EPHA6: variants seen among roughly 807,000 people sequenced by gnomAD.
EPHA6 encodes the protein ephrin type-A receptor 6.
In EPHA6, 50 loss-of-function variants were observed where a neutral mutation model predicts 112.0. The observed-to-expected ratio is 0.45, with a 90% confidence interval of 0.36 to 0.56. The LOEUF is 0.56. Ranked by LOEUF, EPHA6 falls within the 20% of genes least tolerant of loss-of-function variation. The pLI, the probability that EPHA6 is intolerant of heterozygous loss-of-function variation, is 0.00. For synonymous variants in EPHA6, 529 were observed against 490.7 expected (o/e 1.08, Z -1.03); for missense variants, 1,280 against 1,417.4 (o/e 0.90, Z 1.56).
At chr3:97,460,971 G>A (rs1296879324) in intron 7 of EPHA6, among the ~76,000 whole-genome samples, 1 of 152,134 alleles carries the variant, frequency 6.6e-6, no homozygotes, top group Non-Finnish European at 1.5e-5. Flanking sequence ...CTGGTGCAGA[G>A]TAAAGCTGAG....
At chr3:97,415,906 A>T (rs911666328) in intron 6 of EPHA6, among the ~76,000 whole-genome samples, 1 of 151,472 alleles carries the variant, frequency 6.6e-6, no homozygotes, top group Non-Finnish European at 1.5e-5. Flanking sequence ...AAGCACTTGA[A>T]TTTTTTTTTA....
intron 5 of EPHA6, among the ~76,000 whole-genome samples, chr3:97,362,821 T>C (rs1308108309): frequency 6.6e-6 from 1 of 151,840 alleles, no homozygotes; most frequent in Non-Finnish European, 1.5e-5. Flanking sequence ...TCTGTGAAAG[T>C]GTTTATGGTC....
At chr3:96,904,150 A>G (rs929888730) in intron 2 of EPHA6, among the ~76,000 whole-genome samples, 20 of 152,088 alleles carry the variant, frequency 1.3e-4, no homozygotes, top group African/African-American at 4.8e-4. Context: ...ATGAAGACAC[A>G]TGCACACGTA....
chr3:97,731,459 A>G (rs924269566), intron 15 of EPHA6, among the ~76,000 whole-genome samples: 2 of 152,084 alleles, frequency 1.3e-5, no homozygotes, highest in Admixed American at 6.6e-5. Context: ...TATAAGTCAC[A>G]CAAAGAGATC....
intron 3 of EPHA6, among the ~76,000 whole-genome samples, chr3:97,023,290 A>G (rs992087994): frequency 1.3e-5 from 2 of 152,154 alleles, no homozygotes; most frequent in African/African-American, 4.8e-5. Flanking sequence ...TGAGTTAGCC[A>G]GGATGGTCTC....
At chr3:97,471,261 CCT>C (rs1230878138) in intron 7 of EPHA6, among the ~76,000 whole-genome samples, 3 of 151,700 alleles carry the variant, frequency 2.0e-5, no homozygotes, top group Non-Finnish European at 4.4e-5. Flanking sequence ...TCCCAAATTC[CCT>C]GTCAGCTCAC....
At chr3:97,363,207 T>A (rs1255040811) in intron 5 of EPHA6, among the ~76,000 whole-genome samples, 1 of 86,360 alleles carries the variant, frequency 1.2e-5, no homozygotes, top group East Asian at 3.8e-4. Flanking sequence ...TATATATATA[T>A]ATATATATAT....
At chr3:96,968,078 C>T (rs961824868) in intron 2 of EPHA6, among the ~76,000 whole-genome samples, 13 of 151,348 alleles carry the variant, frequency 8.6e-5, no homozygotes, top group Admixed American at 2.0e-4. Flanking sequence ...CTGTAGTTTA[C>T]AATGTAGTTT....
At position 96,814,803 on chromosome 3, in the gene EPHA6, G is replaced by C; in HGVS notation, c.180G>C (p.Glu60Asp). ...PAGRVEEEEEEEEEDVDKDPH... is the reference protein window; with the variant it reads ...PAGRVEEEEEDEEEDVDKDPH... ...GCCGGGTGGAGGAGGAAGAGGAGGA[G>C]GAGGAAGAAGACGTGGACAAGGACC... is the stretch of plus-strand genomic sequence containing the variant. The change falls in exon 1 of 18, where the codon GAG becomes GAC. Residue 60 changes from glutamate to aspartate, a missense_variant. Glu to Asp is a conservative substitution (Grantham distance 45). Around this residue, in one of 4 missense-constraint regions of EPHA6, gnomAD observed 220 missense variants for 171.5 expected, o/e 1.28. Coordinates refer to ENST00000389672, the MANE Select transcript of EPHA6 (RefSeq NM_001080448.3). 1 of 1,601,274 alleles carries C rather than the reference G, an allele frequency of 6.2e-7. No homozygotes were observed. The highest frequency in any genetic ancestry group is 8.5e-7 in the Non-Finnish European group (1 of 1,173,184).
chr3:96,965,545 ATTCTT>A (rs2042094364), intron 2 of EPHA6, among the ~76,000 whole-genome samples: 2 of 152,234 alleles, frequency 1.3e-5, no homozygotes, highest in Admixed American at 1.3e-4. Flanking sequence ...ATTTGCAAGA[ATTCTT>A]TATGTAGTTT....
intron 3 of EPHA6, among the ~76,000 whole-genome samples, chr3:97,018,579 A>G (rs890124893): frequency 6.6e-6 from 1 of 152,170 alleles, no homozygotes; most frequent in Admixed American, 6.5e-5. Context: ...GAGAGAAACA[A>G]CTTACACCAT....
chr3:97,534,308 G>A (rs1304098761), intron 11 of EPHA6, among the ~76,000 whole-genome samples: 1 of 151,996 alleles, frequency 6.6e-6, no homozygotes, highest in Non-Finnish European at 1.5e-5. Context: ...CATTCTCACA[G>A]CAACCCTAAT....
At chr3:97,676,449 C>G (rs550611120) in intron 14 of EPHA6, among the ~76,000 whole-genome samples, 29 of 152,122 alleles carry the variant, frequency 1.9e-4, no homozygotes, top group African/African-American at 6.3e-4. Flanking sequence ...GTAATAGAGA[C>G]AAAGGTTTAA....
intron 5 of EPHA6, among the ~76,000 whole-genome samples, chr3:97,389,598 A>T (rs1457499475): frequency 3.3e-5 from 5 of 152,220 alleles, no homozygotes; most frequent in Non-Finnish European, 7.3e-5. Context: ...AAGGTTTTAC[A>T]AGGTTTAAAA....
At position 96,968,566 on chromosome 3, in the gene EPHA6, C is replaced by T. The variant is rs563110247; in HGVS notation, c.451-18764C>T. 1.5e-4 allele frequency among the ~76,000 whole-genome samples: 23 copies of T among 151,754 alleles called. 1 individual carries two copies. The South Asian group carries it at 4.6e-3, about 30-fold the overall frequency. ...TTTTTGTCAAGTACTTAGGTACTTACAATGAACCTAAGTACAAAAGTACCT... is the reference window on the plus strand; with the variant it reads ...TTTTTGTCAAGTACTTAGGTACTTATAATGAACCTAAGTACAAAAGTACCT... On this transcript the variant is annotated intron_variant, in intron 2 of 17. Coordinates refer to ENST00000389672, the MANE Select transcript of EPHA6 (RefSeq NM_001080448.3).
chr3:97,107,486 T>C lies in EPHA6; in HGVS notation c.1115-118778T>C, dbSNP rs190607434. 2.6e-5 allele frequency among the ~76,000 whole-genome samples: 4 copies of C among 152,308 alleles called. No individual in the cohort carries two copies. In the East Asian group the frequency reaches 7.7e-4, roughly 29 times the overall value. ...GCTTACTGGACTGAGTCTGTACTTA[T>C]CTACTTTTATTAAAAAGTCTTTCAT... is the stretch of plus-strand genomic sequence containing the variant. On this transcript the variant is annotated intron_variant, in intron 3 of 17. Transcript: ENST00000389672.
At chr3:97,015,290 G>A (rs1381746143) in intron 3 of EPHA6, among the ~76,000 whole-genome samples, 1 of 152,164 alleles carries the variant, frequency 6.6e-6, no homozygotes, top group Non-Finnish European at 1.5e-5. Context: ...TCAGTATAAA[G>A]TAACAACTTA....
intron 3 of EPHA6, among the ~76,000 whole-genome samples, chr3:97,009,248 C>T (rs988130064): frequency 6.6e-6 from 1 of 152,162 alleles, no homozygotes; most frequent in South Asian, 2.1e-4. Context: ...CCGTTGGCCA[C>T]TCCTTCCCCT....
intron 3 of EPHA6, among the ~76,000 whole-genome samples, chr3:97,144,630 A>G (rs577595142): frequency 6.6e-6 from 1 of 151,606 alleles, no homozygotes; most frequent in East Asian, 1.9e-4. Context: ...TAAAATGTAC[A>G]TTGAAATAAA....
Sources: gnomAD v4.1 joint callset for allele counts (sites outside exome capture counted in the v4.1 genomes callset) on GRCh38, gnomAD v4.1.1 for gene constraint, gnomAD v4.1.1 regional missense constraint, MANE v1.5 for transcripts, NCBI Gene and HGNC (gene_info 2026-07-23, HGNC 2026-07-21) for gene names.